Variants in CREB5 observed in about 807,000 individuals in gnomAD.
The protein encoded by CREB5 is cAMP responsive element binding protein 5.
Under a neutral mutation model 57.1 loss-of-function variants are expected in CREB5, and 19 were observed. The observed-to-expected ratio is 0.33, with a 90% CI of 0.23 to 0.49. The LOEUF is 0.49. CREB5 is among the 20% of genes least tolerant of loss of function. The probability of loss-of-function intolerance (pLI) is 0.99; values close to 1 mark genes in which losing one functional copy is unlikely to be tolerated. For missense variants in CREB5, 579 were observed against 671.6 expected (o/e 0.86, Z 1.52); for synonymous variants, 238 against 238.3 (o/e 1.00, Z 0.01).
chr7:28,610,646 A>G (rs41276), intron 5 of CREB5, among the ~76,000 whole-genome samples: 34,506 of 151,918 alleles, frequency 0.23, 4,524 homozygotes, highest in East Asian at 0.41. Context: ...CTAATGGCCC[A>G]GTAACCTAAA....
chr7:28,330,332 C>T (rs574520757), intron 1 of CREB5, among the ~76,000 whole-genome samples: 3 of 151,176 alleles, frequency 2.0e-5, no homozygotes, highest in East Asian at 1.9e-4. Context: ...GGGTTAAACT[C>T]TCTCCTTATG....
intron 1 of CREB5, among the ~76,000 whole-genome samples, chr7:28,401,986 C>T (rs1327027755): frequency 6.6e-6 from 1 of 152,246 alleles, no homozygotes; most frequent in Non-Finnish European, 1.5e-5. Context: ...GGAATCACCA[C>T]ACTGTCTTCC....
chr7:28,645,905 C>A (rs1798871364), intron 5 of CREB5, among the ~76,000 whole-genome samples: 1 of 152,126 alleles, frequency 6.6e-6, no homozygotes, highest in Non-Finnish European at 1.5e-5. Context: ...CTGTTGAGGG[C>A]CTGTATGGAA....
intron 4 of CREB5, among the ~76,000 whole-genome samples, chr7:28,549,036 G>A (rs1356405804): frequency 1.3e-5 from 2 of 152,154 alleles, no homozygotes; most frequent in Non-Finnish European, 2.9e-5. Context: ...TCTTAAATAA[G>A]CATAATTACT....
rs115377078 is a variant in CREB5, at chr7:28,552,409, G to C, written c.292-17956G>C. 9.0e-3 allele frequency among the ~76,000 whole-genome samples: 1,364 copies of C among 152,252 alleles called. 22 individuals are homozygous for C. The highest frequency in any genetic ancestry group is 0.031 in the African/African-American group (1,293 of 41,540). On this transcript the variant is annotated intron_variant, in intron 4 of 10. Coordinates refer to ENST00000357727, the MANE Select transcript of CREB5 (RefSeq NM_182898.4). ...CTTTTGTTATTATCGAGGCCATCCC[G>C]AGACTATGGAGACTTTCCTCCCATG...
chr7:28,521,844 C>T (rs1018117297), intron 4 of CREB5, among the ~76,000 whole-genome samples: 6 of 152,132 alleles, frequency 3.9e-5, no homozygotes, highest in East Asian at 1.9e-4. Context: ...TATAGGATTA[C>T]GTTGAGTTAT....
At chr7:28,705,885 G>A (rs1802081107) in intron 5 of CREB5, among the ~76,000 whole-genome samples, 1 of 152,170 alleles carries the variant, frequency 6.6e-6, no homozygotes, top group African/African-American at 2.4e-5. Context: ...CAAAAGAAAA[G>A]TAAGCCTTTT....
intron 7 of CREB5, among the ~76,000 whole-genome samples, chr7:28,772,932 CG>C: frequency 6.6e-6 from 1 of 152,208 alleles, no homozygotes; most frequent in East Asian, 1.9e-4. Context: ...AGGCAGCTCT[CG>C]TAACCTCCTA....
rs1404865112 is a variant in CREB5 at position 28,729,337 on chromosome 7, A to G, written c.702+5005A>G. Reference sequence around the variant, plus strand: ...GAATTGTGATTTCTCTGTCAGCTGCACTGACACATTACTAACAGTGCTTCT... The same window carrying G: ...GAATTGTGATTTCTCTGTCAGCTGCGCTGACACATTACTAACAGTGCTTCT... On this transcript the variant is annotated intron_variant, in intron 7 of 10. Coordinates refer to ENST00000357727, the MANE Select transcript of CREB5 (RefSeq NM_182898.4). Among the ~76,000 whole-genome samples the G allele has an allele frequency of 3.9e-5, 6 of 152,196 alleles. No individual in the cohort carries two copies. In the East Asian group the frequency reaches 7.7e-4, roughly 20 times the overall value.
intron 7 of CREB5, among the ~76,000 whole-genome samples, chr7:28,747,317 T>G (rs1203371564): frequency 6.6e-6 from 1 of 152,226 alleles, no homozygotes; most frequent in East Asian, 1.9e-4. Flanking sequence ...CTCAGCATCA[T>G]CACTTCTGTA....
chr7:28,683,765 C>G (rs1042692784), intron 5 of CREB5, among the ~76,000 whole-genome samples: 9 of 152,184 alleles, frequency 5.9e-5, no homozygotes, highest in Non-Finnish European at 7.3e-5. Flanking sequence ...TACATCACCT[C>G]TATTTAAAGC....
chr7:28,625,070 A>G (rs892653503), intron 5 of CREB5, among the ~76,000 whole-genome samples: 2 of 150,306 alleles, frequency 1.3e-5, no homozygotes, highest in South Asian at 2.1e-4. Context: ...GCAGCATTTC[A>G]TGTAATTCCC....
intron 1 of CREB5, among the ~76,000 whole-genome samples, chr7:28,414,980 G>A (rs1047626240): frequency 5.3e-5 from 8 of 151,698 alleles, no homozygotes; most frequent in Non-Finnish European, 1.0e-4. Context: ...TTTTTTCCAA[G>A]TTCACTGTAT....
intron 1 of CREB5, among the ~76,000 whole-genome samples, chr7:28,468,519 A>G (rs1350084979): frequency 6.6e-6 from 1 of 152,216 alleles, no homozygotes; most frequent in Non-Finnish European, 1.5e-5. Context: ...ACCAAGGATC[A>G]TGGGCAATGG....
Position 28,798,989 on chromosome 7 carries a change from G to A in CREB5, c.703-5210G>A, listed in dbSNP as rs546307682. 1.1e-3 allele frequency among the ~76,000 whole-genome samples: 174 copies of A among 152,318 alleles called. 1 individual carries two copies. Among genetic ancestry groups the A allele is most frequent in the Non-Finnish European group, 1.9e-3 (126 of 68,026 alleles). On this transcript the variant is annotated intron_variant, in intron 7 of 10. Coordinates refer to ENST00000357727, the MANE Select transcript of CREB5 (RefSeq NM_182898.4). ...TTTACTGGTCATTTATCATCCCTAA[G>A]AGAGTGGAGTAGAAATTTCTATATT...
intron 1 of CREB5, among the ~76,000 whole-genome samples, chr7:28,464,493 T>TTGTG (rs1320551403): frequency 1.2e-3 from 129 of 107,826 alleles, no homozygotes; most frequent in East Asian, 9.9e-3. Flanking sequence ...TTGTGGAAAG[T>TTGTG]TGCGTGTGTG....
In CREB5 at chr7:28,801,933, A is replaced by G. The variant is rs191142092; in HGVS notation, c.703-2266A>G. Reference sequence around the variant, plus strand: ...AACCCTGTCTCTACTAAAAATACAAAAATTAGCTGGGCATGGTGGCACACG... The same window carrying G: ...AACCCTGTCTCTACTAAAAATACAAGAATTAGCTGGGCATGGTGGCACACG... On this transcript the variant is annotated intron_variant, in intron 7 of 10. Transcript: ENST00000357727. Among the ~76,000 whole-genome samples, 580 of 152,028 alleles carry G rather than the reference A, an allele frequency of 3.8e-3. 5 individuals carry two copies. Among genetic ancestry groups the G allele is most frequent in the African/African-American group, 0.013 (550 of 41,440 alleles).
At chr7:28,744,397 G>C (rs1804578461) in intron 7 of CREB5, among the ~76,000 whole-genome samples, 1 of 131,952 alleles carries the variant, frequency 7.6e-6, no homozygotes, top group East Asian at 2.2e-4. Flanking sequence ...TACCAGGCTG[G>C]AATGCAGTGA....
chr7:28,558,985 G>A (rs537881347), intron 4 of CREB5, among the ~76,000 whole-genome samples: 6 of 152,274 alleles, frequency 3.9e-5, no homozygotes, highest in African/African-American at 1.4e-4. Flanking sequence ...CAAATGCTCA[G>A]CATTTCTCTG....
Sources: allele counts gnomAD v4.1 joint callset (sites outside exome capture counted in the v4.1 genomes callset), GRCh38; gene constraint gnomAD v4.1.1; transcripts MANE v1.5; gene names NCBI Gene and HGNC (gene_info 2026-07-23, HGNC 2026-07-21).